Variants in CCDC7 observed in about 807,000 individuals in gnomAD.
CCDC7 encodes coiled-coil domain containing 7, also known as coiled-coil domain-containing protein 7.
CCDC7 carries 183 observed loss-of-function variants against 196.9 expected under a neutral mutation model. The ratio of observed to expected loss-of-function variants is 0.93; its 90% CI spans 0.82 to 1.05. The LOEUF is 1.05. CCDC7 is among the 50% of genes least tolerant of loss of function. The probability of loss-of-function intolerance (pLI) is 0.00; values close to 1 mark genes in which losing one functional copy is unlikely to be tolerated. For synonymous variants in CCDC7, 525 were observed against 484.6 expected, an observed-to-expected ratio of 1.08 and a Z score of -1.10; for missense variants, 1,540 against 1,482.2, an observed-to-expected ratio of 1.04 and a Z score of -0.64.
chr10:32,829,920 C>T (rs1274890421), intron 32 of CCDC7, among the ~76,000 whole-genome samples: 1 of 151,008 alleles, frequency 6.6e-6, no homozygotes, highest in East Asian at 1.9e-4. Context: ...ACTAGACTGG[C>T]CTGGCCTCCC....
intron 13 of CCDC7, among the ~76,000 whole-genome samples, chr10:32,560,828 CT>C (rs2055417939): frequency 6.6e-6 from 1 of 152,266 alleles, no homozygotes; most frequent in South Asian, 2.1e-4. Flanking sequence ...ACAATATTAA[CT>C]TTAAATGTAA....
Position 32,451,737 on chromosome 10 carries a change from C to A in CCDC7, c.95C>A (p.Ser32Ter). 6.2e-7 allele frequency: 1 copy of A among 1,614,134 alleles called. No individual in the cohort carries two copies. Among genetic ancestry groups the A allele is most frequent in the Non-Finnish European group, 8.5e-7 (1 of 1,180,014 alleles). The change falls in exon 1 of 42, where the codon TCA becomes TAA. Residue 32 changes from serine to a stop codon, truncating the protein, a stop_gained. Coordinates refer to ENST00000639629, the Ensembl canonical transcript of CCDC7. LOFTEE classifies it high-confidence loss of function. ...AAAGGACTACATAATTTACCATTATCACCTGAGCTAAAGGAAAAACATAAT... is the reference window on the plus strand; with the variant it reads ...AAAGGACTACATAATTTACCATTATAACCTGAGCTAAAGGAAAAACATAAT...
chr10:32,857,908 GA>G (rs2136395174), intron 41 of CCDC7, among the ~76,000 whole-genome samples: 1 of 151,004 alleles, frequency 6.6e-6, no homozygotes, highest in Admixed American at 6.6e-5. Flanking sequence ...GAAAAGAAGA[GA>G]AAAACTCAAA....
At chr10:32,586,039 G>A (rs1004411296) in intron 18 of CCDC7, among the ~76,000 whole-genome samples, 5 of 152,028 alleles carry the variant, frequency 3.3e-5, no homozygotes, top group Admixed American at 1.3e-4. Context: ...AGCATCTGCC[G>A]CTTCCTGACT....
rs1457081375 is a variant in CCDC7, at chr10:32,689,127, A to T, written c.2308A>T (p.Lys770Ter). 4 of 1,602,788 alleles carry T rather than the reference A, an allele frequency of 2.5e-6. No individual in the cohort carries two copies. Among genetic ancestry groups the T allele is most frequent in the African/African-American group, 1.3e-5 (1 of 74,654 alleles). ...AATGTCAAAATCAGAAATGCAAGTG[A>T]AGGAACAAAGAACTCTCAAAGGGCA... is the stretch of plus-strand genomic sequence containing the variant. Residue 770 changes from lysine to a stop codon, truncating the protein, a stop_gained, in exon 23 of 42, where the codon AAG (lysine) becomes TAG (stop). Transcript: ENST00000639629. LOFTEE classifies it high-confidence loss of function.
At chr10:32,624,121 A>G (rs2063711697) in intron 18 of CCDC7, among the ~76,000 whole-genome samples, 1 of 152,132 alleles carries the variant, frequency 6.6e-6, no homozygotes. Context: ...GCACTAGAAC[A>G]TTCTTTTCTT....
intron 20 of CCDC7, among the ~76,000 whole-genome samples, chr10:32,655,989 C>T (rs1277049168): frequency 6.6e-6 from 1 of 152,104 alleles, no homozygotes; most frequent in African/African-American, 2.4e-5. Flanking sequence ...AACATCTTCT[C>T]CCATTCTGTA....
intron 21 of CCDC7, among the ~76,000 whole-genome samples, chr10:32,671,893 T>C (rs2074128437): frequency 6.6e-6 from 1 of 152,180 alleles, no homozygotes; most frequent in Admixed American, 6.6e-5. Flanking sequence ...ATGCTGTGAA[T>C]GTTTGCAATT....
intron 20 of CCDC7, among the ~76,000 whole-genome samples, chr10:32,639,924 G>T (rs1467786072): frequency 6.6e-6 from 1 of 152,106 alleles, no homozygotes; most frequent in East Asian, 1.9e-4. Context: ...ACCAATTTCT[G>T]TTGTTTTACA....
intron 18 of CCDC7, among the ~76,000 whole-genome samples, chr10:32,603,284 A>T (rs780889361): frequency 4.6e-5 from 7 of 151,890 alleles, no homozygotes; most frequent in Non-Finnish European, 1.0e-4. Flanking sequence ...ACAGGATTTT[A>T]TTCTTTTTAT....
intron 8 of CCDC7, among the ~76,000 whole-genome samples, chr10:32,483,826 A>G (rs373881264): frequency 3.3e-5 from 5 of 151,996 alleles, no homozygotes; most frequent in Admixed American, 6.6e-5. Context: ...TATTATTTCC[A>G]AGGGCTCTAT....
At chr10:32,777,583 G>A (rs1240438977) in intron 28 of CCDC7, among the ~76,000 whole-genome samples, 1 of 152,066 alleles carries the variant, frequency 6.6e-6, no homozygotes, top group Non-Finnish European at 1.5e-5. Context: ...TGGGCCGGGT[G>A]TGGTGGCTCA....
chr10:32,487,903 G>A (rs534783296), intron 8 of CCDC7, among the ~76,000 whole-genome samples: 1 of 152,202 alleles, frequency 6.6e-6, no homozygotes, highest in Non-Finnish European at 1.5e-5. Flanking sequence ...TTTCTGGGGG[G>A]TGCCTCCCAT....
At chr10:32,662,489 C>G (rs767313082) in intron 20 of CCDC7, among the ~76,000 whole-genome samples, 1 of 152,260 alleles carries the variant, frequency 6.6e-6, no homozygotes, top group Non-Finnish European at 1.5e-5. Flanking sequence ...GGAGACCTCA[C>G]TATTTGGACT....
intron 28 of CCDC7, among the ~76,000 whole-genome samples, chr10:32,753,166 C>T (rs2075916949): frequency 6.6e-6 from 1 of 151,992 alleles, no homozygotes; most frequent in African/African-American, 2.4e-5. Context: ...AAGTCTTTTG[C>T]CAATGGACTC....
At chr10:32,477,401 C>A (rs780512459) in intron 8 of CCDC7, among the ~76,000 whole-genome samples, 4 of 151,934 alleles carry the variant, frequency 2.6e-5, no homozygotes, top group Non-Finnish European at 5.9e-5. Context: ...TGGGGTTTCA[C>A]CATGTTGGTC....
At chr10:32,443,518 A>C (rs1397202435), upstream of CCDC7, among the ~76,000 whole-genome samples, 1 of 152,210 alleles carries the variant, frequency 6.6e-6, no homozygotes, top group Non-Finnish European at 1.5e-5. Flanking sequence ...GGGGTCATGG[A>C]TAATTTTTTT....
chr10:32,629,744 G>A (rs918052952), intron 18 of CCDC7, among the ~76,000 whole-genome samples: 8 of 152,098 alleles, frequency 5.3e-5, no homozygotes, highest in African/African-American at 1.9e-4. Flanking sequence ...GAGATTTCAG[G>A]AATTTATCTG....
intron 11 of CCDC7, among the ~76,000 whole-genome samples, chr10:32,528,669 C>CAT (rs1327985394): frequency 9.5e-4 from 113 of 118,440 alleles, no homozygotes; most frequent in African/African-American, 2.6e-3. Flanking sequence ...TATACACACA[C>CAT]ATATATATAT....
Sources: gnomAD v4.1 joint callset for allele counts (sites outside exome capture counted in the v4.1 genomes callset) on GRCh38, gnomAD v4.1.1 for gene constraint, MANE v1.5 for transcripts, NCBI Gene and HGNC (gene_info 2026-07-23, HGNC 2026-07-21) for gene names.